SSBP3: variants seen among roughly 807,000 people sequenced by gnomAD.
SSBP3 encodes single stranded DNA binding protein 3, also known as single-stranded DNA-binding protein 3.
SSBP3 carries 5 observed loss-of-function variants against 69.6 expected under a neutral mutation model. The observed-to-expected ratio is 0.07, with a 90% CI of 0.04 to 0.15. The LOEUF is 0.15. SSBP3 is among the 10% of genes least tolerant of loss of function. The probability of loss-of-function intolerance (pLI) is 1.00; values close to 1 mark genes in which losing one functional copy is unlikely to be tolerated. For missense variants in SSBP3, 312 were observed against 534.0 expected (o/e 0.58, Z 4.10); for synonymous variants, 196 against 193.4 (o/e 1.01, Z -0.11).
intron 4 of SSBP3, among the ~76,000 whole-genome samples, chr1:54,296,426 C>T (rs918446551): frequency 2.0e-5 from 3 of 152,212 alleles, no homozygotes; most frequent in Admixed American, 2.0e-4. Context: ...CCATTTAAGG[C>T]CATTGCCATG....
intron 4 of SSBP3, among the ~76,000 whole-genome samples, chr1:54,287,589 G>A (rs983173503): frequency 4.2e-4 from 64 of 152,158 alleles, no homozygotes; most frequent in Admixed American, 3.1e-3. Context: ...GAGGGAGGGA[G>A]GGATGCTGGC....
intron 4 of SSBP3, among the ~76,000 whole-genome samples, chr1:54,314,168 G>A (rs1256029356): frequency 2.6e-5 from 4 of 152,170 alleles, no homozygotes; most frequent in African/African-American, 9.7e-5. Context: ...GCAGAGTTGG[G>A]GCCAGCACCC....
intron 4 of SSBP3, among the ~76,000 whole-genome samples, chr1:54,372,683 G>A (rs985856037): frequency 1.3e-5 from 2 of 152,160 alleles, no homozygotes; most frequent in African/African-American, 2.4e-5. Context: ...GCAGGTTTCC[G>A]ACGCTCTTCC....
intron 4 of SSBP3, among the ~76,000 whole-genome samples, chr1:54,308,260 C>A (rs1266409389): frequency 6.6e-6 from 1 of 152,130 alleles, no homozygotes; most frequent in Non-Finnish European, 1.5e-5. Context: ...AGTTTGAGAC[C>A]AGCCTGGCCA....
intron 3 of SSBP3, 122 bp from the exon 4 acceptor site, chr1:54,402,067 A>C: frequency 2.6e-6 from 2 of 756,500 alleles, no homozygotes; most frequent in South Asian, 4.1e-5. Flanking sequence ...CCACCTTATC[A>C]GCTCTCATTG....
chr1:54,289,351 A>ATTACC (rs2100933043), intron 4 of SSBP3, among the ~76,000 whole-genome samples: 1 of 147,236 alleles, frequency 6.8e-6, no homozygotes, highest in African/African-American at 2.5e-5. Flanking sequence ...GTTGGATCTA[A>ATTACC]CTGGCAAATT....
chr1:54,357,748 T>C (rs1356365010), intron 4 of SSBP3, among the ~76,000 whole-genome samples: 2 of 152,228 alleles, frequency 1.3e-5, no homozygotes, highest in Non-Finnish European at 2.9e-5. Flanking sequence ...ACAAAATAAA[T>C]GAAGTCCTAA....
Position 54,241,053 on chromosome 1 carries a change from T to C in SSBP3, c.802-94A>G, listed in dbSNP as rs1644627847. 4.3e-6 allele frequency: 6 copies of C among 1,388,456 alleles called. No individual in the cohort carries two copies. The Admixed American group carries it at 1.3e-4, about 29-fold the overall frequency. The allele number at this position is 1,388,456 out of a possible 1,614,324, so 86.0% of individuals were successfully genotyped here. A position where few individuals can be genotyped will look rare whatever the true frequency, so the allele number is the denominator to read the frequency against. On this transcript the variant is annotated intron_variant, in intron 12 of 17. Transcript: ENST00000610401. ...TCCCTCCCTGGTCAGCAGCAACTGC[T>C]CGCCCCAGGCCCAGCCGCTATTCAT...
chr1:54,311,616 C>T (rs1441166648), intron 4 of SSBP3, among the ~76,000 whole-genome samples: 1 of 152,160 alleles, frequency 6.6e-6, no homozygotes, highest in Non-Finnish European at 1.5e-5. Context: ...AAGGGTAAGA[C>T]ACCCATAGCT....
rs1052533349 is a variant in SSBP3, at chr1:54,404,544, AAC to A, written c.191+30_191+31del. ...TGGACCCAGGGCTCACAACAAAACAAACACACATGCAAAACTATCACACAAAC... is the reference window on the plus strand; with the variant it reads ...TGGACCCAGGGCTCACAACAAAACAAACACATGCAAAACTATCACACAAAC... On this transcript the variant is annotated intron_variant, in intron 3 of 17. Coordinates refer to ENST00000610401, the Ensembl canonical transcript of SSBP3. 8 of 1,611,836 alleles carry A rather than the reference AAC, an allele frequency of 5.0e-6. No homozygotes were observed. In the African/African-American group the frequency reaches 6.7e-5, roughly 13 times the overall value.
chr1:54,266,221 T>C (rs1645101802), intron 5 of SSBP3, among the ~76,000 whole-genome samples: 1 of 152,210 alleles, frequency 6.6e-6, no homozygotes, highest in Non-Finnish European at 1.5e-5. Context: ...AAGTCTAGGC[T>C]GGGTCCCTCG....
chr1:54,286,488 C>G (rs965161679), intron 4 of SSBP3: 1 of 152,234 alleles, frequency 6.6e-6, no homozygotes, highest in Non-Finnish European at 1.5e-5. Context: ...GAGGACTGAT[C>G]CCACAGCTCC....
chr1:54,316,849 C>G (rs1486052735), intron 4 of SSBP3, among the ~76,000 whole-genome samples: 3 of 152,066 alleles, frequency 2.0e-5, no homozygotes, highest in Non-Finnish European at 4.4e-5. Flanking sequence ...TCAAGGCACT[C>G]GCAAATTTGG....
At chr1:54,325,966 C>G (rs1646294589) in intron 4 of SSBP3, among the ~76,000 whole-genome samples, 1 of 151,762 alleles carries the variant, frequency 6.6e-6, no homozygotes, top group African/African-American at 2.4e-5. Flanking sequence ...CCGCCACCCC[C>G]CACCCAGCAG....
chr1:54,336,654 T>C (rs1476029779), intron 4 of SSBP3, among the ~76,000 whole-genome samples: 1 of 152,198 alleles, frequency 6.6e-6, no homozygotes, highest in Non-Finnish European at 1.5e-5. Flanking sequence ...TGTCTGCCAT[T>C]TTGTTTTGTC....
intron 4 of SSBP3, among the ~76,000 whole-genome samples, chr1:54,320,630 T>A (rs1646195086): frequency 6.6e-6 from 1 of 152,046 alleles, no homozygotes; most frequent in Non-Finnish European, 1.5e-5. Context: ...CCAGAAAAGT[T>A]TTAAGTTAAT....
intron 4 of SSBP3, among the ~76,000 whole-genome samples, chr1:54,348,169 C>T (rs971302664): frequency 6.8e-5 from 10 of 147,298 alleles, no homozygotes; most frequent in Non-Finnish European, 1.3e-4. Flanking sequence ...GGACTCTGCC[C>T]CTCAGTCCGC....
Position 54,345,396 on chromosome 1 carries a change from C to T in SSBP3, c.276+56465G>A, listed in dbSNP as rs968381210. 1.3e-4 allele frequency among the ~76,000 whole-genome samples: 20 copies of T among 152,262 alleles called. No individual in the cohort carries two copies. In the East Asian group the frequency reaches 3.1e-3, roughly 24 times the overall value. On this transcript the variant is annotated intron_variant, in intron 4 of 17. Transcript: ENST00000610401. Reference sequence around the variant, plus strand: ...ACTCTAAAAACCACCCGAGTCTCAGCCCTCCCATCCAGGGAAAAGACCAAG... The same window carrying T: ...ACTCTAAAAACCACCCGAGTCTCAGTCCTCCCATCCAGGGAAAAGACCAAG...
chr1:54,280,430 C>G (rs1645369352), intron 5 of SSBP3, among the ~76,000 whole-genome samples: 1 of 152,188 alleles, frequency 6.6e-6, no homozygotes, highest in African/African-American at 2.4e-5. Flanking sequence ...CCTCACTGGT[C>G]CTAGTTCTGA....
Sources: allele counts gnomAD v4.1 joint callset (sites outside exome capture counted in the v4.1 genomes callset), GRCh38; gene constraint gnomAD v4.1.1; transcripts MANE v1.5; gene names NCBI Gene and HGNC (gene_info 2026-07-23, HGNC 2026-07-21).